Variants in LRRC18 observed in about 807,000 individuals in gnomAD.
The protein encoded by LRRC18 is leucine rich repeat containing 18, also known as leucine-rich repeat-containing protein 18.
A neutral mutation model predicts 11.2 loss-of-function variants in LRRC18; 12 were observed. The ratio of observed to expected loss-of-function variants is 1.07; its 90% CI spans 0.69 to 1.74. The LOEUF (loss-of-function observed/expected upper bound fraction) is 1.74. Among genes scored for constraint, LRRC18 ranks in the 40% most tolerant of loss-of-function variants. The probability of loss-of-function intolerance (pLI) is 0.00; values close to 1 mark genes in which losing one functional copy is unlikely to be tolerated. For synonymous variants in LRRC18, 155 were observed against 130.6 expected, an observed-to-expected ratio of 1.19 and a Z score of -1.27; for missense variants, 374 against 330.5, an observed-to-expected ratio of 1.13 and a Z score of -1.02.
the LRRC18 span, among the ~76,000 whole-genome samples, chr10:48,939,453 T>G: frequency 6.6e-6 from 1 of 152,118 alleles, no homozygotes; most frequent in African/African-American, 2.4e-5. Flanking sequence ...GTGGTGGAGA[T>G]AGAATTTAGA....
chr10:48,930,889 C>A, the LRRC18 span, among the ~76,000 whole-genome samples: 1 of 152,102 alleles, frequency 6.6e-6, no homozygotes, highest in Non-Finnish European at 1.5e-5. Flanking sequence ...TGTTCTCTGG[C>A]ACACATGCAC....
chr10:48,929,390 T>C, the LRRC18 span, among the ~76,000 whole-genome samples: 5 of 152,088 alleles, frequency 3.3e-5, no homozygotes, highest in East Asian at 9.6e-4. Flanking sequence ...AGCAGGAAGC[T>C]ATTGTGTCCT....
chr10:48,926,145 C>G, the LRRC18 span, among the ~76,000 whole-genome samples: 1 of 152,172 alleles, frequency 6.6e-6, no homozygotes, highest in African/African-American at 2.4e-5. Context: ...CATTGCTGGC[C>G]CCCACTGCCT....
the LRRC18 span, among the ~76,000 whole-genome samples, chr10:48,938,907 C>T: frequency 6.6e-6 from 1 of 152,114 alleles, no homozygotes; most frequent in African/African-American, 2.4e-5. Flanking sequence ...TGTGATGTCC[C>T]CTGTATGTCC....
chr10:48,921,287 A>G, the LRRC18 span, among the ~76,000 whole-genome samples: 1 of 151,930 alleles, frequency 6.6e-6, no homozygotes, highest in East Asian at 1.9e-4. Context: ...GGAACAGAAA[A>G]TAGAGTCCAG....
At chr10:48,919,658 G>A in the LRRC18 span, among the ~76,000 whole-genome samples, 1 of 152,156 alleles carries the variant, frequency 6.6e-6, no homozygotes, top group Non-Finnish European at 1.5e-5. Context: ...GGTAGAAAGA[G>A]AGCAAAACAA....
the LRRC18 span, among the ~76,000 whole-genome samples, chr10:48,932,267 C>T: frequency 3.3e-5 from 5 of 152,256 alleles, no homozygotes; most frequent in Admixed American, 2.0e-4. Flanking sequence ...CAGACTGCAC[C>T]GTCTCCATCA....
the LRRC18 span, among the ~76,000 whole-genome samples, chr10:48,923,089 A>G: frequency 6.6e-6 from 1 of 152,318 alleles, no homozygotes; most frequent in South Asian, 2.1e-4. Context: ...GGGACTCCAT[A>G]TTCTACTTCT....
At chr10:48,920,103 C>T in the LRRC18 span, among the ~76,000 whole-genome samples, 1 of 148,908 alleles carries the variant, frequency 6.7e-6, no homozygotes, top group Non-Finnish European at 1.5e-5. Flanking sequence ...ATGTAACATA[C>T]CATATTAACA....
At chr10:48,911,006 G>GC in intron 1 of LRRC18, 1 of 639,434 alleles carries the variant, frequency 1.6e-6, no homozygotes, top group Non-Finnish European at 1.9e-6. Flanking sequence ...GAAATGGAAA[G>GC]TCATCATGTA....
At chr10:48,916,952 T>A (rs1838603500), upstream of LRRC18, among the ~76,000 whole-genome samples, 1 of 151,744 alleles carries the variant, frequency 6.6e-6, no homozygotes, top group African/African-American at 2.4e-5. Flanking sequence ...CAATGACAGA[T>A]TGCATATATG....
At position 48,914,182 on chromosome 10, in the gene LRRC18, G is replaced by A. The variant is rs60495132; in HGVS notation, c.-27C>T. ...TTCTTTTAGTAAGGGAGTGTTAGAA[G>A]TTTATTGTTCTGATTGGATAGTGAT... On this transcript the variant is annotated 5_prime_UTR_variant, in exon 1 of 2. Transcript: ENST00000374160. 10,320 of 1,599,922 alleles carry A rather than the reference G, an allele frequency of 6.5e-3. 598 individuals carry two copies. In the African/African-American group the frequency reaches 0.12, roughly 19 times the overall value.
At chr10:48,911,714 T>A (rs1838021211) in intron 1 of LRRC18, among the ~76,000 whole-genome samples, 1 of 152,234 alleles carries the variant, frequency 6.6e-6, no homozygotes, top group South Asian at 2.1e-4. Context: ...CTGCCAGCAT[T>A]GCAGCTGACA....
At chr10:48,912,254 A>T (rs1016841304) in intron 1 of LRRC18, among the ~76,000 whole-genome samples, 1 of 152,214 alleles carries the variant, frequency 6.6e-6, no homozygotes, top group African/African-American at 2.4e-5. Context: ...GCAATGAACT[A>T]AGTTATGGTT....
the LRRC18 span, among the ~76,000 whole-genome samples, chr10:48,926,063 C>A: frequency 6.6e-6 from 1 of 152,182 alleles, no homozygotes; most frequent in Non-Finnish European, 1.5e-5. Flanking sequence ...TTTCTATACA[C>A]TGTGCCACCT....
chr10:48,915,456 G>A (rs1838432269), upstream of LRRC18, among the ~76,000 whole-genome samples: 1 of 151,710 alleles, frequency 6.6e-6, no homozygotes, highest in Non-Finnish European at 1.5e-5. Flanking sequence ...CCAGGCAGAA[G>A]TATGCCCTTG....
the LRRC18 span, among the ~76,000 whole-genome samples, chr10:48,928,690 C>T: frequency 6.6e-6 from 1 of 152,214 alleles, no homozygotes; most frequent in Admixed American, 6.5e-5. Flanking sequence ...CTGGTGAGGG[C>T]CCACTGGCGA....
chr10:48,918,289 A>G (rs974567202), upstream of LRRC18, among the ~76,000 whole-genome samples: 20 of 152,332 alleles, frequency 1.3e-4, 1 homozygote, highest in African/African-American at 4.6e-4. Context: ...CACAATTATC[A>G]GGATAGATTA....
At chr10:48,935,465 G>A in the LRRC18 span, among the ~76,000 whole-genome samples, 2 of 152,176 alleles carry the variant, frequency 1.3e-5, no homozygotes, top group East Asian at 1.9e-4. Context: ...CTATGGCAAC[G>A]GCCAAGCGGA....
Sources: gnomAD v4.1 joint callset for allele counts (sites outside exome capture counted in the v4.1 genomes callset) on GRCh38, gnomAD v4.1.1 for gene constraint, MANE v1.5 for transcripts, NCBI Gene and HGNC (gene_info 2026-07-23, HGNC 2026-07-21) for gene names.